The following PCSK6 variants were observed in gnomAD, a reference collection of about 807,000 sequenced individuals.
The protein encoded by PCSK6 is paired basic amino acid cleaving enzyme 4.
PCSK6 carries 85 observed loss-of-function variants against 123.3 expected under a neutral mutation model. The ratio of observed to expected loss-of-function variants is 0.69; its 90% CI spans 0.58 to 0.83. The LOEUF (loss-of-function observed/expected upper bound fraction) is 0.83. Among genes scored for constraint, PCSK6 ranks in the 40% least tolerant of loss-of-function variants. PCSK6 has a pLI of 0.00. For missense variants in PCSK6, 1,191 were observed against 1,282.3 expected, an observed-to-expected ratio of 0.93 and a Z score of 1.09; for synonymous variants, 508 against 516.0, an observed-to-expected ratio of 0.98 and a Z score of 0.21.
chr15:101,464,050 G>A (rs1178858544), intron 1 of PCSK6, among the ~76,000 whole-genome samples: 2 of 152,108 alleles, frequency 1.3e-5, no homozygotes, highest in Non-Finnish European at 2.9e-5. Flanking sequence ...GCAGGGCAGG[G>A]AAGACAGTGG....
chr15:101,390,553 C>T (rs549801144), intron 8 of PCSK6, among the ~76,000 whole-genome samples: 6 of 152,268 alleles, frequency 3.9e-5, no homozygotes, highest in South Asian at 2.1e-4. Flanking sequence ...CTGGACCCAC[C>T]GCTGCTGGCA....
Position 101,460,863 on chromosome 15 carries a change from T to A in PCSK6, c.298-17203A>T, listed in dbSNP as rs143563358. 2.9e-3 allele frequency among the ~76,000 whole-genome samples: 434 copies of A among 152,236 alleles called. 5 individuals are homozygous for A. Among genetic ancestry groups the A allele is most frequent in the Non-Finnish European group, 3.9e-3 (266 of 68,028 alleles). The stretch of plus-strand genomic sequence containing the variant: ...TAGAATGGAATGATAATGAAAATAC[T>A]ATTTAGGACAACTCATGGGAACTGT... On this transcript the variant is annotated intron_variant, in intron 1 of 21. Transcript: ENST00000611716.
At chr15:101,482,643 C>T (rs577966127) in intron 1 of PCSK6, among the ~76,000 whole-genome samples, 2 of 152,272 alleles carry the variant, frequency 1.3e-5, no homozygotes, top group East Asian at 1.9e-4. Context: ...AGCTCAAAGC[C>T]GGCAGGAGTA....
chr15:101,355,883 G>A (rs768603971), intron 13 of PCSK6, among the ~76,000 whole-genome samples: 3 of 152,180 alleles, frequency 2.0e-5, no homozygotes, highest in Non-Finnish European at 4.4e-5. Flanking sequence ...AGGCTCCGAG[G>A]CAAGAAGGGC....
At chr15:101,438,570 G>C (rs187417495) in intron 2 of PCSK6, among the ~76,000 whole-genome samples, 1 of 152,214 alleles carries the variant, frequency 6.6e-6, no homozygotes, top group Non-Finnish European at 1.5e-5. Context: ...TGAACTCCAA[G>C]TTCCTCTCTC....
At chr15:101,312,572 C>T (rs575315124) in intron 20 of PCSK6, among the ~76,000 whole-genome samples, 46 of 152,262 alleles carry the variant, frequency 3.0e-4, no homozygotes, top group African/African-American at 9.9e-4. Context: ...GGCTCACACC[C>T]GTAATCCCAG....
At chr15:101,466,899 G>C (rs2057474310) in intron 1 of PCSK6, among the ~76,000 whole-genome samples, 1 of 152,012 alleles carries the variant, frequency 6.6e-6, no homozygotes, top group East Asian at 1.9e-4. Flanking sequence ...TTCTTTCTGG[G>C]GTGATGAAAA....
At chr15:101,345,455 T>TA (rs1314024204) in intron 13 of PCSK6, among the ~76,000 whole-genome samples, 1 of 152,146 alleles carries the variant, frequency 6.6e-6, no homozygotes, top group Non-Finnish European at 1.5e-5. Flanking sequence ...GGGACTTTTT[T>TA]AAAAAAGGAA....
chr15:101,345,003 T>C (rs952432276), intron 13 of PCSK6, among the ~76,000 whole-genome samples: 7 of 152,216 alleles, frequency 4.6e-5, no homozygotes, highest in African/African-American at 1.7e-4. Flanking sequence ...ATGCCTTTAG[T>C]GAAACTACTG....
intron 6 of PCSK6, among the ~76,000 whole-genome samples, chr15:101,413,301 G>A (rs970027226): frequency 2.0e-5 from 3 of 152,230 alleles, no homozygotes; most frequent in African/African-American, 2.4e-5. Context: ...TGTACCTCAC[G>A]CTGGTAAAGT....
chr15:101,326,384 T>C lies in PCSK6; in HGVS notation c.2173A>G (p.Thr725Ala). The change falls in exon 16 of 22, where the codon ACC (threonine) becomes GCC (alanine). Residue 725 changes from threonine to alanine, a missense_variant. By Grantham distance (58) the Thr-to-Ala change is moderately conservative. Coordinates refer to ENST00000611716, the MANE Select transcript of PCSK6 (RefSeq NM_002570.5). ...CTGCGGGACATGCATTACCTGCTGG[T>C]CTTGACACTCCCCAGGCTGAAGTGG... ...CVHFSLGSVK[T>A]SRKCVSVCPL... 6.4e-7 allele frequency: 1 copy of C among 1,570,600 alleles called. No individual in the cohort carries two copies. The highest frequency in any genetic ancestry group is 8.6e-7 in the Non-Finnish European group (1 of 1,157,498).
rs762214343 is a variant in PCSK6, at chr15:101,313,386, C to T, written c.2689G>A (p.Val897Met). 1 of 1,612,792 alleles carries T rather than the reference C, an allele frequency of 6.2e-7. No homozygotes were observed. The highest frequency in any genetic ancestry group is 8.5e-7 in the Non-Finnish European group (1 of 1,179,872). ...CCAGGAGGACCGTACCTTCGACACA[C>T]TTTGTGGGGCAAGCCCGGCATCTCT... ...PEEMPGLPHK[V>M]CRRCDENCLS... Residue 897 changes from valine to methionine, a missense_variant, in exon 20 of 22, where the codon GTG becomes ATG. By Grantham distance (21) the Val-to-Met change is conservative. This residue lies in a region of PCSK6 where 630 missense variants were observed against 631.4 expected (regional missense o/e 1.00). Coordinates refer to ENST00000611716, the MANE Select transcript of PCSK6 (RefSeq NM_002570.5).
At chr15:101,309,219 C>G (rs1015810355) in intron 20 of PCSK6, 2 of 152,672 alleles carry the variant, frequency 1.3e-5, no homozygotes, top group Non-Finnish European at 2.9e-5. Context: ...AGGTGGTGGC[C>G]AGGCTGGGCT....
chr15:101,361,506 A>G (rs541938594), intron 13 of PCSK6, among the ~76,000 whole-genome samples: 2 of 152,300 alleles, frequency 1.3e-5, no homozygotes, highest in African/African-American at 4.8e-5. Context: ...AGCCATGGGA[A>G]GCCCTAGGGA....
chr15:101,326,474 A>G lies in PCSK6; in HGVS notation c.2083T>C (p.Cys695Arg). The G allele has an allele frequency of 6.3e-7, 1 of 1,576,444 alleles. No homozygotes were observed. The highest frequency in any genetic ancestry group is 8.6e-7 in the Non-Finnish European group (1 of 1,160,524). Residue 695 changes from cysteine (C) to arginine (R), a missense_variant, in exon 16 of 22, where the codon TGC (cysteine) becomes CGC (arginine). Physicochemically the swap from Cys to Arg is radical, Grantham distance 180. Around this residue, in one of 3 missense-constraint regions of PCSK6, gnomAD observed 630 missense variants for 631.4 expected, o/e 1.00. Coordinates refer to ENST00000611716, the MANE Select transcript of PCSK6 (RefSeq NM_002570.5). ...CCTTTGTCACCACACTCCGGATGGC[A>G]CACACCTTAAAGAAACAAGCATTGC... Reference protein sequence around the residue: ...GSANILQTSVCHPECGDKGCD... With the variant: ...GSANILQTSVRHPECGDKGCD...
Position 101,369,699 on chromosome 15 carries a change from G to A in PCSK6, c.1721+636C>T, listed in dbSNP as rs545136056. 6.7e-4 allele frequency among the ~76,000 whole-genome samples: 102 copies of A among 152,318 alleles called. 1 individual carries two copies. Among genetic ancestry groups the A allele is most frequent in the African/African-American group, 2.4e-3 (99 of 41,558 alleles). ...CTGTAAGTCATATATTTGCATCAAT[G>A]TATTTCCCCTTGTTTCTAAGTTTGT... On this transcript the variant is annotated intron_variant, in intron 12 of 21. Coordinates refer to ENST00000611716, the MANE Select transcript of PCSK6 (RefSeq NM_002570.5).
intron 1 of PCSK6, among the ~76,000 whole-genome samples, chr15:101,486,848 A>C (rs2058031627): frequency 6.6e-6 from 1 of 152,246 alleles, no homozygotes; most frequent in Middle Eastern, 3.2e-3. Context: ...TTGCCCATTA[A>C]GGGCTTGGAG....
At chr15:101,439,478 G>A (rs2056697424) in intron 2 of PCSK6, among the ~76,000 whole-genome samples, 1 of 152,216 alleles carries the variant, frequency 6.6e-6, no homozygotes, top group African/African-American at 2.4e-5. Context: ...CACCCTCATG[G>A]GGGAGCAGTC....
intron 1 of PCSK6, among the ~76,000 whole-genome samples, chr15:101,460,815 C>A (rs2057324417): frequency 6.6e-6 from 1 of 151,976 alleles, no homozygotes; most frequent in Non-Finnish European, 1.5e-5. Flanking sequence ...AAGAAAACAT[C>A]ATAATTGGGA....
Sources: allele counts gnomAD v4.1 joint callset (sites outside exome capture counted in the v4.1 genomes callset), GRCh38; gene constraint gnomAD v4.1.1; regional missense constraint gnomAD v4.1.1; transcripts MANE v1.5; gene names NCBI Gene and HGNC (gene_info 2026-07-23, HGNC 2026-07-21).